Variants in ZNF185 observed in about 807,000 individuals in gnomAD.
The protein encoded by ZNF185 is zinc finger protein 185.
In ZNF185, 56 loss-of-function variants were observed where a neutral mutation model predicts 58.6. That is an observed-to-expected ratio of 0.95 (90% CI 0.77 to 1.19). The LOEUF (loss-of-function observed/expected upper bound fraction) is 1.19. Ranked by LOEUF, ZNF185 falls within the 50% of genes most tolerant of loss-of-function variation. ZNF185 has a pLI of 0.00. For missense variants in ZNF185, 627 were observed against 573.5 expected, an observed-to-expected ratio of 1.09 and a Z score of -0.95; for synonymous variants, 230 against 215.9, an observed-to-expected ratio of 1.07 and a Z score of -0.57.
the ZNF185 span, among the ~76,000 whole-genome samples, chrX:152,903,813 C>T: frequency 1.8e-5 from 2 of 111,627 alleles, no homozygotes; most frequent in Admixed American, 1.9e-4. Flanking sequence ...CCCCAAGGAG[C>T]GGTGGGTGGC....
intron 13 of ZNF185, 22 bp from the exon 15 acceptor site, chrX:152,932,851 A>G: frequency 8.7e-7 from 1 of 1,153,414 alleles, no homozygotes; most frequent in Non-Finnish European, 1.2e-6. Context: ...AGAGTCAGCA[A>G]ATACTCCACT....
chrX:152,927,488 C>T (rs1941082660), intron 11 of ZNF185, among the ~76,000 whole-genome samples: 1 of 111,515 alleles, frequency 9.0e-6, no homozygotes, highest in Non-Finnish European at 1.9e-5. Context: ...CCCTGAGTGG[C>T]CTCTTTAAAG....
intron 16 of ZNF185, among the ~76,000 whole-genome samples, chrX:152,951,581 C>A (rs12011150): frequency 8.2e-5 from 9 of 109,224 alleles, no homozygotes; most frequent in African/African-American, 3.1e-4. Context: ...TATATATATA[C>A]ACACACACTT....
chrX:152,941,337 G>A (rs1487110866), intron 15 of ZNF185, among the ~76,000 whole-genome samples: 2 of 112,319 alleles, frequency 1.8e-5, no homozygotes, highest in African/African-American at 6.5e-5. Flanking sequence ...TATATGCAGA[G>A]ATCTGGGATG....
chrX:152,934,519 T>G (rs1387572817), intron 14 of ZNF185, among the ~76,000 whole-genome samples: 1 of 112,251 alleles, frequency 8.9e-6, no homozygotes, highest in African/African-American at 3.2e-5. Flanking sequence ...CTTACCTATA[T>G]AGTAGTCCCT....
At chrX:152,938,811 TGCTCCGAAGAAAACAGCC>T (rs1556885400) in intron 15 of ZNF185, among the ~76,000 whole-genome samples, 4 of 92,088 alleles carry the variant, frequency 4.3e-5, no homozygotes, top group African/African-American at 1.7e-4. Flanking sequence ...GGAAGGATAG[TGCTCCGAAGAAAACAGCC>T]GCAGCTGAGA....
intron 15 of ZNF185, among the ~76,000 whole-genome samples, chrX:152,942,728 C>T (rs1556891248): frequency 8.9e-6 from 1 of 111,798 alleles, no homozygotes; most frequent in African/African-American, 3.3e-5. Context: ...TATATTTTTT[C>T]TGCATGAGGA....
At chrX:152,940,814 C>T (rs1326247354) in intron 15 of ZNF185, among the ~76,000 whole-genome samples, 2 of 112,230 alleles carry the variant, frequency 1.8e-5, no homozygotes, top group Non-Finnish European at 3.8e-5. Context: ...TACCTGCTGT[C>T]TGTCATGTGA....
In ZNF185 at chrX:152,932,835, G is replaced by A. The variant is rs191081845; in HGVS notation, c.1023-38G>A. ...CATCTGGGTTAGATGAGATCAAAAC[G>A]CAACTAGAGTCAGCAAATACTCCAC... On this transcript the variant is annotated intron_variant, in intron 13 of 22. Transcript: ENST00000449285. 1,838 of 1,052,808 alleles carry A rather than the reference G, an allele frequency of 1.7e-3. 7 individuals carry two copies. The highest frequency in any genetic ancestry group is 0.016 in the Middle Eastern group (63 of 4,007). The allele number at this position is 1,052,808 out of a possible 1,213,427, so 86.8% of individuals were successfully genotyped here. A position where few individuals can be genotyped will look rare whatever the true frequency, so the allele number is the denominator to read the frequency against.
intron 16 of ZNF185, among the ~76,000 whole-genome samples, chrX:152,951,178 A>T (rs1174323543): frequency 9.3e-6 from 1 of 107,940 alleles, no homozygotes; most frequent in African/African-American, 3.4e-5. Context: ...CTGGTCTCGA[A>T]CTCCTGACCT....
chrX:152,912,435 A>T (rs1308482495), upstream of ZNF185, among the ~76,000 whole-genome samples: 6 of 111,456 alleles, frequency 5.4e-5, no homozygotes, highest in Non-Finnish European at 1.1e-4. Context: ...TTTGGTCCTG[A>T]TTTGGCAGGA....
At chrX:152,937,586 C>T (rs1556883265) in intron 14 of ZNF185, among the ~76,000 whole-genome samples, 2 of 111,903 alleles carry the variant, frequency 1.8e-5, no homozygotes, top group Admixed American at 9.4e-5. Flanking sequence ...GAGCCAAGCC[C>T]CAAGAGACAT....
rs377297439 is a variant in ZNF185 at position 152,932,844 on chromosome X, G to A, written c.1023-29G>A. ...TAGATGAGATCAAAACGCAACTAGA[G>A]TCAGCAAATACTCCACTTCTCATAA... On this transcript the variant is annotated intron_variant, in intron 13 of 22. Coordinates refer to ENST00000449285, the Ensembl canonical transcript of ZNF185. 3.6e-6 allele frequency: 4 copies of A among 1,119,345 alleles called. No homozygotes were observed. The African/African-American group carries it at 7.2e-5, about 20-fold the overall frequency. 92.2% of individuals were successfully genotyped at this position (1,119,345 alleles called of 1,213,427 possible).
intron 18 of ZNF185, among the ~76,000 whole-genome samples, chrX:152,964,151 C>T (rs952640579): frequency 1.2e-4 from 13 of 112,621 alleles, no homozygotes; most frequent in African/African-American, 4.2e-4. Context: ...ATTCCCACAC[C>T]TCCTTTTTCC....
rs782809818 is a variant in ZNF185, at chrX:152,928,688, C to A, written c.917+27C>A. ...TATGGGGGTCCTGCTGCTGTCCTGG[C>A]TCCCTGGACACCATTCTAGAGATGG... On this transcript the variant is annotated intron_variant, in intron 12 of 22. Coordinates refer to ENST00000449285, the Ensembl canonical transcript of ZNF185. 1.0e-5 allele frequency: 12 copies of A among 1,181,121 alleles called. No individual in the cohort carries two copies. In the South Asian group the frequency reaches 2.2e-4, roughly 21 times the overall value.
chrX:152,961,595 A>G (rs1313963912), intron 17 of ZNF185, among the ~76,000 whole-genome samples: 1 of 112,015 alleles, frequency 8.9e-6, no homozygotes. Context: ...GATGCTGCAT[A>G]CTAAGAGCCT....
At position 152,967,158 on chromosome X, in the gene ZNF185, T is replaced by TCC. The variant is rs2050201160; in HGVS notation, c.1800-7_1800-6dup. 8.3e-7 allele frequency: 1 copy of TCC among 1,207,313 alleles called. No homozygotes were observed. The highest frequency in any genetic ancestry group is 2.2e-5 in the Admixed American group (1 of 45,655). On this transcript the variant is annotated splice_polypyrimidine_tract_variant and intron_variant, in intron 19 of 22. Coordinates refer to ENST00000449285, the Ensembl canonical transcript of ZNF185. ...TCTGCCCTCCTCTCCCCTATCAAAC[T>TCC]CCCTGCAGCGTCAGCAGCATTGAGG...
intron 14 of ZNF185, among the ~76,000 whole-genome samples, chrX:152,933,782 C>A (rs5970397): frequency 0.4 from 44,692 of 111,507 alleles, 6,418 homozygotes; most frequent in East Asian, 0.51. Context: ...CTACTGCAGT[C>A]TGGCCAAGGA....
chrX:152,922,913 TG>T, intron 11 of ZNF185, 104 bp downstream of exon 12: 1 of 715,175 alleles, frequency 1.4e-6, no homozygotes. Flanking sequence ...AGTGGGGTGA[TG>T]GGGCAAGGAC....
Sources: gnomAD v4.1 joint callset for allele counts (sites outside exome capture counted in the v4.1 genomes callset) on GRCh38, gnomAD v4.1.1 for gene constraint, MANE v1.5 for transcripts, NCBI Gene and HGNC (gene_info 2026-07-23, HGNC 2026-07-21) for gene names.